MAP3K3: variants seen among roughly 807,000 people sequenced by gnomAD.
MAP3K3 encodes the protein mitogen-activated protein kinase kinase kinase 3.
Under a neutral mutation model 80.9 loss-of-function variants are expected in MAP3K3, and 12 were observed. The ratio of observed to expected loss-of-function variants is 0.15; its 90% CI spans 0.10 to 0.24. The LOEUF is 0.24. Ranked by LOEUF, MAP3K3 falls within the 10% of genes least tolerant of loss-of-function variation. The pLI is 1.00. For synonymous variants in MAP3K3, 272 were observed against 307.1 expected (o/e 0.89, Z 1.19); for missense variants, 596 against 834.7 (o/e 0.71, Z 3.52).
intron 7 of MAP3K3, chr17:63,682,878 G>C (rs1298874935): frequency 6.6e-6 from 1 of 152,268 alleles, no homozygotes; most frequent in African/African-American, 2.4e-5. Context: ...GGGAAAGGCA[G>C]TTCATTGGGA....
intron 6 of MAP3K3, among the ~76,000 whole-genome samples, chr17:63,674,093 AAG>A (rs1465596463): frequency 6.6e-6 from 1 of 151,708 alleles, no homozygotes; most frequent in African/African-American, 2.4e-5. Context: ...AAAAAAAAAA[AAG>A]GACTTGTCCC....
rs957432292 is a variant in MAP3K3, at chr17:63,680,024, C to G, written c.503-1742C>G. 6.6e-5 allele frequency among the ~76,000 whole-genome samples: 10 copies of G among 152,224 alleles called. No homozygotes were observed. In the South Asian group the frequency reaches 8.3e-4, roughly 13 times the overall value. On this transcript the variant is annotated intron_variant, in intron 6 of 15. Coordinates refer to ENST00000361733, the MANE Select transcript of MAP3K3 (RefSeq NM_002401.5). ...ACAGAGTGAGACCCTGTCTCTGAAACAAAACAAAACAACAAAACAGAATAG... is the reference window on the plus strand; with the variant it reads ...ACAGAGTGAGACCCTGTCTCTGAAAGAAAACAAAACAACAAAACAGAATAG...
chr17:63,627,832 C>T (rs1195999255), intron 1 of MAP3K3, among the ~76,000 whole-genome samples: 1 of 152,092 alleles, frequency 6.6e-6, no homozygotes, highest in Non-Finnish European at 1.5e-5. Context: ...GATATGCCCG[C>T]CTTGGCTTCC....
At chr17:63,639,729 GA>G (rs919875084) in intron 2 of MAP3K3, among the ~76,000 whole-genome samples, 3 of 149,310 alleles carry the variant, frequency 2.0e-5, no homozygotes, top group South Asian at 2.1e-4. Flanking sequence ...TGAATGAAAG[GA>G]AAAAAAAATA....
chr17:63,669,521 T>G (rs1448127405), intron 6 of MAP3K3, among the ~76,000 whole-genome samples: 1 of 151,976 alleles, frequency 6.6e-6, no homozygotes, highest in Admixed American at 6.6e-5. Context: ...CAGGCTGGAA[T>G]GCATTGATGC....
intron 1 of MAP3K3, among the ~76,000 whole-genome samples, chr17:63,623,615 C>T (rs564733733): frequency 6.6e-6 from 1 of 152,176 alleles, no homozygotes; most frequent in Non-Finnish European, 1.5e-5. Flanking sequence ...GTCTTCCGCA[C>T]GTAGCATTTG....
At chr17:63,669,915 C>T (rs369867601) in intron 6 of MAP3K3, among the ~76,000 whole-genome samples, 5 of 151,620 alleles carry the variant, frequency 3.3e-5, no homozygotes, top group Admixed American at 6.6e-5. Flanking sequence ...CTAGCCTGGG[C>T]AACATGGCAA....
intron 6 of MAP3K3, among the ~76,000 whole-genome samples, chr17:63,679,833 C>T (rs897567383): frequency 2.0e-5 from 3 of 152,152 alleles, no homozygotes; most frequent in Non-Finnish European, 2.9e-5. Context: ...TGTATACACA[C>T]ACACATACAT....
intron 12 of MAP3K3, 103 bp downstream of exon 12, chr17:63,690,515 G>A: frequency 7.7e-7 from 1 of 1,295,716 alleles, no homozygotes; most frequent in Non-Finnish European, 1.1e-6. Flanking sequence ...TGCTTCCTCT[G>A]TCATTCTTCC....
chr17:63,671,396 C>T (rs537508570), intron 6 of MAP3K3, among the ~76,000 whole-genome samples: 1 of 151,974 alleles, frequency 6.6e-6, no homozygotes, highest in Non-Finnish European at 1.5e-5. Flanking sequence ...GCTGGGACTA[C>T]AGGCATGCGC....
intron 5 of MAP3K3, among the ~76,000 whole-genome samples, chr17:63,660,848 G>A (rs1408177811): frequency 7.3e-5 from 11 of 150,458 alleles, no homozygotes; most frequent in African/African-American, 2.2e-4. Context: ...CGCCTGTCTC[G>A]GCCTCCCAAA....
chr17:63,643,649 T>C (rs955967465), intron 2 of MAP3K3, among the ~76,000 whole-genome samples: 2 of 152,158 alleles, frequency 1.3e-5, no homozygotes, highest in African/African-American at 4.8e-5. Context: ...ATAATAGAGC[T>C]ACAGCAAGGT....
intron 3 of MAP3K3, among the ~76,000 whole-genome samples, chr17:63,649,302 T>G (rs1282206164): frequency 6.6e-6 from 1 of 151,786 alleles, no homozygotes; most frequent in Non-Finnish European, 1.5e-5. Context: ...CTGGGTGTGG[T>G]GGTGCACACC....
chr17:63,687,923 G>A (rs1484463870), intron 8 of MAP3K3, among the ~76,000 whole-genome samples: 1 of 151,300 alleles, frequency 6.6e-6, no homozygotes, highest in Non-Finnish European at 1.5e-5. Flanking sequence ...AGCAGAGCGA[G>A]ACTCCATCTC....
chr17:63,658,701 G>C (rs2034821519), intron 5 of MAP3K3, among the ~76,000 whole-genome samples: 1 of 151,690 alleles, frequency 6.6e-6, no homozygotes. Context: ...ACAAAGTTTA[G>C]GTGGAATGCT....
intron 4 of MAP3K3, among the ~76,000 whole-genome samples, chr17:63,653,649 A>T (rs2034704104): frequency 6.6e-6 from 1 of 152,212 alleles, no homozygotes. Context: ...TGATTAATTT[A>T]AAATCCCTCA....
intron 5 of MAP3K3, among the ~76,000 whole-genome samples, chr17:63,662,330 A>C (rs1286943235): frequency 6.6e-6 from 1 of 151,262 alleles, no homozygotes; most frequent in Non-Finnish European, 1.5e-5. Context: ...TGGGAGAATC[A>C]CCTGAGGCCG....
At chr17:63,687,864 C>T (rs893547963) in intron 8 of MAP3K3, among the ~76,000 whole-genome samples, 7 of 148,484 alleles carry the variant, frequency 4.7e-5, no homozygotes, top group Non-Finnish European at 7.4e-5. Context: ...CTTGAACCCG[C>T]GAGGTAGAGG....
rs1013800981 is a variant in MAP3K3, at chr17:63,693,065, G to A, written c.1653-484G>A. The stretch of plus-strand genomic sequence containing the variant: ...GCAAGAGGTTGGAGTAATACAAGGA[G>A]GGGACCATGAGCCACGAAATGCAGG... On this transcript the variant is annotated intron_variant, in intron 15 of 15. Coordinates refer to ENST00000361733, the MANE Select transcript of MAP3K3 (RefSeq NM_002401.5). The surrounding 1 kb of genome is among the most constrained non-coding windows in gnomAD (Gnocchi z 4.2). Among the ~76,000 whole-genome samples, 1 of 152,120 alleles carries A rather than the reference G, an allele frequency of 6.6e-6. No homozygotes were observed. Among genetic ancestry groups the A allele is most frequent in the Non-Finnish European group, 1.5e-5 (1 of 68,012 alleles).
Sources: gnomAD v4.1 joint callset for allele counts (sites outside exome capture counted in the v4.1 genomes callset) on GRCh38, gnomAD v4.1.1 for gene constraint, Gnocchi (gnomAD v3.1) non-coding constraint, MANE v1.5 for transcripts, NCBI Gene and HGNC (gene_info 2026-07-23, HGNC 2026-07-21) for gene names.